The following BCAR1 variants were observed in gnomAD, a reference collection of about 807,000 sequenced individuals.
BCAR1 encodes BCAR1 scaffold protein, Cas family member.
BCAR1 carries 30 observed loss-of-function variants against 67.6 expected under a neutral mutation model. The observed-to-expected ratio is 0.44, with a 90% CI of 0.33 to 0.60. The LOEUF (loss-of-function observed/expected upper bound fraction) is 0.60. BCAR1 is among the 20% of genes least tolerant of loss of function. The probability of loss-of-function intolerance (pLI) is 0.02; values close to 1 mark genes in which losing one functional copy is unlikely to be tolerated. For missense variants in BCAR1, 1,313 were observed against 1,222.3 expected, an observed-to-expected ratio of 1.07 and a Z score of -1.11; for synonymous variants, 626 against 556.7, an observed-to-expected ratio of 1.12 and a Z score of -1.75.
At chr16:75,253,283 G>C (rs1281349850), upstream of BCAR1, among the ~76,000 whole-genome samples, 1 of 152,204 alleles carries the variant, frequency 6.6e-6, no homozygotes, top group Non-Finnish European at 1.5e-5. Context: ...GTCTGAACCA[G>C]CGGGACCCTC....
intron 1 of BCAR1, among the ~76,000 whole-genome samples, chr16:75,257,256 C>T (rs1042765513): frequency 2.0e-5 from 3 of 152,170 alleles, no homozygotes; most frequent in Admixed American, 6.5e-5. Flanking sequence ...GGTGACTTCA[C>T]ACATCATCTG....
upstream of BCAR1, chr16:75,251,993 G>T (rs992304207): frequency 3.2e-6 from 2 of 620,486 alleles, no homozygotes; most frequent in African/African-American, 3.7e-5. Flanking sequence ...ATGGCCTCAA[G>T]TCGACTTGTC....
intron 1 of BCAR1, among the ~76,000 whole-genome samples, chr16:75,250,398 G>A (rs922739738): frequency 6.6e-6 from 1 of 152,208 alleles, no homozygotes; most frequent in Non-Finnish European, 1.5e-5. Flanking sequence ...GGGCACAAGA[G>A]GGGGCGTGTC....
chr16:75,233,054 G>C (rs1304943106), intron 6 of BCAR1, among the ~76,000 whole-genome samples: 1 of 152,098 alleles, frequency 6.6e-6, no homozygotes, highest in Non-Finnish European at 1.5e-5. Flanking sequence ...CTATTAACAT[G>C]TCTGCATATA....
intron 4 of BCAR1, chr16:75,236,336 A>T (rs1860522056): frequency 2.7e-6 from 1 of 375,558 alleles, no homozygotes; most frequent in South Asian, 4.6e-5. Flanking sequence ...CACTGCAGAC[A>T]CTCACTGAAA....
chr16:75,266,767 G>A (rs760434044), intron 1 of BCAR1: 52 of 1,451,672 alleles, frequency 3.6e-5, no homozygotes, highest in Non-Finnish European at 4.6e-5. Flanking sequence ...TCCTGGGGAC[G>A]GTGGGTGAGC....
At chr16:75,263,308 C>A in intron 1 of BCAR1, 1 of 985,468 alleles carries the variant, frequency 1.0e-6, no homozygotes, top group Non-Finnish European at 1.2e-6. Context: ...CAAGCCAATG[C>A]CAGCCAGAGG....
At chr16:75,237,573 C>T (rs752179243) in intron 2 of BCAR1, 115 of 516,726 alleles carry the variant, frequency 2.2e-4, no homozygotes, top group Non-Finnish European at 3.4e-4. Flanking sequence ...AGAGCTGCCT[C>T]GTCCTGGGCC....
intron 2 of BCAR1, among the ~76,000 whole-genome samples, chr16:75,241,328 G>A (rs903791510): frequency 6.6e-6 from 1 of 152,166 alleles, no homozygotes; most frequent in African/African-American, 2.4e-5. Context: ...TCGTGCATAT[G>A]GTGTGTGCAT....
Position 75,244,487 on chromosome 16 carries a change from C to T in BCAR1, c.13-1397G>A, listed in dbSNP as rs564419048. On this transcript the variant is annotated intron_variant, in intron 1 of 6. Coordinates refer to ENST00000162330, the MANE Select transcript of BCAR1 (RefSeq NM_014567.5). ...AGGGGCTGGACAGTGCCCCTCTGAG[C>T]GCCATCTCCCTGGCCGGCATCAGAG... 3.9e-5 allele frequency among the ~76,000 whole-genome samples: 6 copies of T among 152,250 alleles called. No homozygotes were observed. The East Asian group carries it at 7.7e-4, about 20-fold the overall frequency.
chr16:75,232,376 T>C (rs1469319586), intron 6 of BCAR1, among the ~76,000 whole-genome samples: 1 of 152,150 alleles, frequency 6.6e-6, no homozygotes, highest in East Asian at 1.9e-4. Context: ...ACCAGGCTGG[T>C]CTCAAACTCG....
intron 1 of BCAR1, chr16:75,249,949 C>CT (rs1482367468): frequency 6.6e-6 from 1 of 152,294 alleles, no homozygotes. Context: ...CTCTCTGTAC[C>CT]TCAGTGTCCC....
upstream of BCAR1, chr16:75,251,789 C>T: frequency 1.7e-6 from 1 of 578,088 alleles, no homozygotes; most frequent in Non-Finnish European, 2.2e-6. Context: ...CCCCCCGCCC[C>T]GCCCCCCACC....
At chr16:75,242,426 G>T in intron 2 of BCAR1, 44 bp downstream of exon 2, 1 of 1,400,266 alleles carries the variant, frequency 7.1e-7, no homozygotes, top group South Asian at 2.0e-5. Flanking sequence ...CCAGGGCCTG[G>T]GCTATACCTG....
chr16:75,236,758 C>G (rs890397356), intron 4 of BCAR1, 124 bp downstream of exon 4: 11 of 1,417,522 alleles, frequency 7.8e-6, no homozygotes, highest in African/African-American at 2.9e-5. Flanking sequence ...GAACCAGGGT[C>G]TGGAGCCAGT....
rs1254070834 is a variant in BCAR1, at chr16:75,243,024, C to T, written c.79G>A (p.Gly27Ser). ...TGCTCCAGCACCGTCATGATGTCAC[C>T]CTTGCGGAAGGAGAGCTCATCCGGG... is the stretch of plus-strand genomic sequence containing the variant. ...ESPDELSFRK[G>S]DIMTVLEQDT... The change falls in exon 2 of 7, where the codon GGT becomes AGT. Residue 27 changes from glycine to serine, a missense_variant. Physicochemically the swap from Gly to Ser is moderately conservative, Grantham distance 56 (BLOSUM62 0). This residue lies in a region of BCAR1 where 41 missense variants were observed against 84.8 expected (regional missense o/e 0.48). Transcript: ENST00000162330. 6.2e-6 allele frequency: 10 copies of T among 1,611,424 alleles called. No individual in the cohort carries two copies. The highest frequency in any genetic ancestry group is 7.6e-6 in the Non-Finnish European group (9 of 1,178,172).
intron 2 of BCAR1, chr16:75,238,023 C>G: frequency 7.8e-7 from 1 of 1,287,784 alleles, no homozygotes; most frequent in Non-Finnish European, 1.0e-6. Flanking sequence ...CCCCAGCGAC[C>G]TGAAAGGATG....
upstream of BCAR1, among the ~76,000 whole-genome samples, chr16:75,256,468 T>A (rs981085587): frequency 5.4e-5 from 8 of 148,184 alleles, no homozygotes; most frequent in African/African-American, 2.0e-4. Context: ...AGGGGCAGTA[T>A]CCAAGGTGTG....
intron 1 of BCAR1, chr16:75,250,763 C>CAA (rs2077656278): frequency 7.1e-6 from 7 of 985,446 alleles, no homozygotes; most frequent in Non-Finnish European, 8.4e-6. Flanking sequence ...CCAAAGCCTT[C>CAA]ATGTCCACAC....
Sources: allele counts gnomAD v4.1 joint callset (sites outside exome capture counted in the v4.1 genomes callset), GRCh38; gene constraint gnomAD v4.1.1; regional missense constraint gnomAD v4.1.1; transcripts MANE v1.5; gene names NCBI Gene and HGNC (gene_info 2026-07-23, HGNC 2026-07-21).